Variants in TECPR1 observed in about 807,000 individuals in gnomAD.
The protein encoded by TECPR1 is tectonin beta-propeller repeat-containing protein 1.
A neutral mutation model predicts 162.4 loss-of-function variants in TECPR1; 122 were observed. The ratio of observed to expected loss-of-function variants is 0.75; its 90% CI spans 0.65 to 0.87. The LOEUF is 0.87. Among genes scored for constraint, TECPR1 ranks in the 40% least tolerant of loss-of-function variants. The probability of loss-of-function intolerance (pLI) is 0.00; values close to 1 mark genes in which losing one functional copy is unlikely to be tolerated. For missense variants in TECPR1, 1,432 were observed against 1,618.2 expected (o/e 0.88, Z 1.97); for synonymous variants, 642 against 670.6 (o/e 0.96, Z 0.66).
intron 4 of TECPR1, 57 bp downstream of exon 4, chr7:98,244,828 A>C: frequency 1.2e-6 from 2 of 1,600,750 alleles, no homozygotes; most frequent in Non-Finnish European, 1.7e-6. Flanking sequence ...AAGCAGGGAC[A>C]GGCGGGAGGC....
At chr7:98,226,332 T>A in intron 17 of TECPR1, 1 of 643,450 alleles carries the variant, frequency 1.6e-6, no homozygotes, top group Non-Finnish European at 1.9e-6. Context: ...GACACACAAA[T>A]ATTTACACAC....
chr7:98,245,130 G>A, intron 3 of TECPR1, 63 bp from the exon 4 acceptor site: 1 of 1,530,160 alleles, frequency 6.5e-7, no homozygotes, highest in Non-Finnish European at 8.8e-7. Flanking sequence ...ACCCAGGCGG[G>A]CCAGGCATCT....
intron 9 of TECPR1, 36 bp downstream of exon 9, chr7:98,238,473 C>T (rs1207692590): frequency 2.3e-5 from 35 of 1,521,780 alleles, no homozygotes; most frequent in Non-Finnish European, 3.0e-5. Flanking sequence ...ATTCTGAGAC[C>T]CCTGCTGTTT....
At chr7:98,221,534 C>G in intron 23 of TECPR1, 127 bp downstream of exon 23, 1 of 736,800 alleles carries the variant, frequency 1.4e-6, no homozygotes, top group Non-Finnish European at 2.3e-6. Flanking sequence ...ACCATGTTGG[C>G]CAGGCTGGTC....
intron 6 of TECPR1, among the ~76,000 whole-genome samples, chr7:98,242,037 C>T (rs1798763339): frequency 6.6e-6 from 1 of 152,326 alleles, no homozygotes; most frequent in East Asian, 1.9e-4. Context: ...ATGGCCATGG[C>T]CCCCCGATGG....
Position 98,233,654 on chromosome 7 carries a change from G to GGGGCCGGGCCGGGGTGC in TECPR1, c.1422_1438dup (p.Pro480ArgfsTer137). The GGGGCCGGGCCGGGGTGC allele has an allele frequency of 1.9e-6, 3 of 1,594,396 alleles. No individual in the cohort carries two copies. The highest frequency in any genetic ancestry group is 2.6e-6 in the Non-Finnish European group (3 of 1,168,726). ...GGTCCAGGGCAGCTCGGCCGGGGTGGGGGCCGGGCCGGGGTGCGTGTTGGG... is the reference window on the plus strand; with the variant it reads ...GGTCCAGGGCAGCTCGGCCGGGGTGGGGGCCGGGCCGGGGTGCGGGCCGGGCCGGGGTGCGTGTTGGG... On this transcript the variant is annotated frameshift_variant, in exon 11 of 26. Coordinates refer to ENST00000447648, the MANE Select transcript of TECPR1 (RefSeq NM_015395.3). LOFTEE classifies it high-confidence loss of function.
intron 2 of TECPR1, among the ~76,000 whole-genome samples, chr7:98,250,385 T>G (rs746553661): frequency 5.3e-5 from 8 of 152,000 alleles, no homozygotes; most frequent in Non-Finnish European, 8.8e-5. Flanking sequence ...CCCAGCCCTT[T>G]CCGGGGCTGA....
At chr7:98,248,633 G>A (rs1798973944) in intron 2 of TECPR1, among the ~76,000 whole-genome samples, 1 of 149,668 alleles carries the variant, frequency 6.7e-6, no homozygotes, top group South Asian at 2.1e-4. Flanking sequence ...CCTGATGCCA[G>A]GAGTTTGAGA....
intron 11 of TECPR1, 188 bp from the exon 12 acceptor site, chr7:98,233,160 C>A: frequency 1.2e-6 from 1 of 811,554 alleles, no homozygotes; most frequent in Non-Finnish European, 1.8e-6. Flanking sequence ...TGGAAAGCAG[C>A]CACCACCGCT....
intron 23 of TECPR1, among the ~76,000 whole-genome samples, chr7:98,218,271 C>T (rs1012268094): frequency 6.6e-5 from 10 of 152,338 alleles, no homozygotes; most frequent in Middle Eastern, 3.4e-3. Context: ...CTCGGGGCGT[C>T]CCCCGAGCCT....
Position 98,241,306 on chromosome 7 carries a change from GGTCTCGGT to G in TECPR1, c.658-70_658-63del, listed in dbSNP as rs570648735. 1.5e-4 allele frequency: 231 copies of G among 1,591,364 alleles called. No individual in the cohort carries two copies. In the East Asian group the frequency reaches 4.8e-3, roughly 33 times the overall value. On this transcript the variant is annotated intron_variant, in intron 6 of 25. Coordinates refer to ENST00000447648, the MANE Select transcript of TECPR1 (RefSeq NM_015395.3). This position sits in a 1 kb window ranked among gnomAD's most constrained non-coding sequence, Gnocchi z 5.0. ...CTCATTCACACCAGCCAAGCACGGG[GGTCTCGGT>G]GTGGTAGGGGGTAGGACCCATGTCC...
intron 3 of TECPR1, 150 bp from the exon 4 acceptor site, chr7:98,245,217 G>A (rs1329574849): frequency 1.2e-6 from 1 of 846,426 alleles, no homozygotes; most frequent in East Asian, 2.7e-5. Flanking sequence ...GCCTGTGTGG[G>A]ACCCAGCAAC....
At chr7:98,231,721 C>T (rs1264065873) in intron 13 of TECPR1, 83 bp downstream of exon 13, 24 of 1,506,354 alleles carry the variant, frequency 1.6e-5, no homozygotes, top group South Asian at 4.8e-5. Flanking sequence ...CTCCCCTGGG[C>T]ACCCCCATTT....
chr7:98,243,222 G>A (rs989817893), intron 6 of TECPR1, among the ~76,000 whole-genome samples: 1 of 151,724 alleles, frequency 6.6e-6, no homozygotes, highest in Non-Finnish European at 1.5e-5. Flanking sequence ...CACTATTCCT[G>A]AAGACTGTGG....
At chr7:98,239,305 C>T (rs1184239004) in intron 8 of TECPR1, among the ~76,000 whole-genome samples, 1 of 152,206 alleles carries the variant, frequency 6.6e-6, no homozygotes, top group African/African-American at 2.4e-5. Context: ...AATCCCAACA[C>T]TTTGGGAGGC....
chr7:98,222,559 C>T (rs765459531), intron 21 of TECPR1, 38 bp from the exon 22 acceptor site: 54 of 1,544,806 alleles, frequency 3.5e-5, no homozygotes, highest in African/African-American at 5.5e-5. Flanking sequence ...GTCACCAGGG[C>T]CCCCACCCCC....
chr7:98,218,428 G>A (rs1298710211), intron 23 of TECPR1, among the ~76,000 whole-genome samples: 1 of 152,180 alleles, frequency 6.6e-6, no homozygotes, highest in Non-Finnish European at 1.5e-5. Context: ...AGGAAGTCAC[G>A]GTGTGTCTGT....
intron 6 of TECPR1, among the ~76,000 whole-genome samples, chr7:98,243,092 A>T (rs117259938): frequency 0.15 from 361 of 2,352 alleles, 73 homozygotes; most frequent in East Asian, 0.45. Flanking sequence ...CTATCCATCC[A>T]TCTGCCCACA....
chr7:98,221,796 T>A (rs1398755185), intron 22 of TECPR1, 43 bp from the exon 23 acceptor site: 2 of 1,557,586 alleles, frequency 1.3e-6, no homozygotes, highest in East Asian at 2.3e-5. Context: ...CTTCTCCTCC[T>A]TGCATGGGCC....
Sources: allele counts gnomAD v4.1 joint callset (sites outside exome capture counted in the v4.1 genomes callset), GRCh38; gene constraint gnomAD v4.1.1; non-coding constraint Gnocchi (gnomAD v3.1); transcripts MANE v1.5; gene names NCBI Gene and HGNC (gene_info 2026-07-23, HGNC 2026-07-21).